SLC2A13: variants seen among roughly 807,000 people sequenced by gnomAD.
SLC2A13 encodes the protein proton myo-inositol cotransporter.
A neutral mutation model predicts 64.4 loss-of-function variants in SLC2A13; 32 were observed. That is an observed-to-expected ratio of 0.50 (90% CI 0.37 to 0.67). SLC2A13 has a LOEUF of 0.67. SLC2A13 is among the 30% of genes least tolerant of loss of function. The pLI is 0.00. For synonymous variants in SLC2A13, 338 were observed against 327.1 expected (o/e 1.03, Z -0.36); for missense variants, 743 against 829.2 (o/e 0.90, Z 1.28).
Position 39,833,147 on chromosome 12 carries a change from G to A in SLC2A13, c.1320-2919C>T, listed in dbSNP as rs1293412292. Among the ~76,000 whole-genome samples the A allele has an allele frequency of 2.6e-5, 4 of 152,122 alleles. No homozygotes were observed. The East Asian group carries it at 7.8e-4, about 29-fold the overall frequency. On this transcript the variant is annotated intron_variant, in intron 6 of 9. Coordinates refer to ENST00000280871, the MANE Select transcript of SLC2A13 (RefSeq NM_052885.4). ...GGCGTACCACTTACTCTGTAAAAAA[G>A]GTTTACAGAAACACAGCCATGTCCA...
Position 39,834,224 on chromosome 12 carries a change from T to C in SLC2A13, c.1320-3996A>G, listed in dbSNP as rs373207781. Among the ~76,000 whole-genome samples the C allele has an allele frequency of 3.3e-5, 5 of 152,154 alleles. No homozygotes were observed. In the East Asian group the frequency reaches 9.6e-4, roughly 29 times the overall value. ...GTTACAGTAATGCCCATTATGACTCTTGAGATAGGTCAAAAAAAGATATTA... is the reference window on the plus strand; with the variant it reads ...GTTACAGTAATGCCCATTATGACTCCTGAGATAGGTCAAAAAAAGATATTA... On this transcript the variant is annotated intron_variant, in intron 6 of 9. Coordinates refer to ENST00000280871, the MANE Select transcript of SLC2A13 (RefSeq NM_052885.4).
At chr12:39,837,668 A>C (rs1241651594) in intron 6 of SLC2A13, among the ~76,000 whole-genome samples, 1 of 151,830 alleles carries the variant, frequency 6.6e-6, no homozygotes, top group Non-Finnish European at 1.5e-5. Flanking sequence ...ACCCCATCAA[A>C]AAGTGGGCGA....
intron 6 of SLC2A13, among the ~76,000 whole-genome samples, chr12:39,841,583 G>C (rs891207111): frequency 3.9e-5 from 6 of 151,904 alleles, no homozygotes; most frequent in African/African-American, 1.2e-4. Context: ...TGTGTATATA[G>C]GTAAATAAAT....
chr12:39,969,749 T>C (rs545072421), intron 3 of SLC2A13, among the ~76,000 whole-genome samples: 1 of 152,324 alleles, frequency 6.6e-6, no homozygotes, highest in Non-Finnish European at 1.5e-5. Flanking sequence ...ATTCTGTAGG[T>C]TGCTGTTCAC....
intron 7 of SLC2A13, among the ~76,000 whole-genome samples, chr12:39,772,618 GAAGA>G (rs1449815251): frequency 6.6e-6 from 1 of 151,990 alleles, no homozygotes; most frequent in African/African-American, 2.4e-5. Flanking sequence ...AAAAAGAGAA[GAAGA>G]AAGAAAAAAG....
chr12:40,097,249 C>A (rs1274290939), intron 1 of SLC2A13, among the ~76,000 whole-genome samples: 1 of 152,028 alleles, frequency 6.6e-6, no homozygotes, highest in Non-Finnish European at 1.5e-5. Context: ...TTCTAGGGAA[C>A]AAAATGACAT....
intron 2 of SLC2A13, among the ~76,000 whole-genome samples, chr12:40,032,640 G>A (rs1947922572): frequency 6.6e-6 from 1 of 152,162 alleles, no homozygotes; most frequent in Non-Finnish European, 1.5e-5. Context: ...TCCTGCTATG[G>A]CTCAGCTGAG....
chr12:40,019,227 A>G (rs2136204413), intron 3 of SLC2A13, among the ~76,000 whole-genome samples: 1 of 152,354 alleles, frequency 6.6e-6, no homozygotes, highest in Non-Finnish European at 1.5e-5. Context: ...CTATTTTGCC[A>G]ACTGATTTTG....
At position 39,828,512 on chromosome 12, in the gene SLC2A13, C is replaced by T. The variant is rs1290777906; in HGVS notation, c.1445+1591G>A. Among the ~76,000 whole-genome samples the T allele has an allele frequency of 2.0e-5, 3 of 152,118 alleles. No homozygotes were observed. The East Asian group carries it at 5.8e-4, about 29-fold the overall frequency. ...TATGATTTGTTATTTGCAAAAAAGC[C>T]AAAACTCCTGCTTTGAGGCCTCTGA... is the stretch of plus-strand genomic sequence containing the variant. On this transcript the variant is annotated intron_variant, in intron 7 of 9. Transcript: ENST00000280871.
intron 7 of SLC2A13, among the ~76,000 whole-genome samples, chr12:39,783,664 T>C (rs528032447): frequency 9.2e-5 from 14 of 152,346 alleles, no homozygotes; most frequent in African/African-American, 3.4e-4. Context: ...TGCATAAATG[T>C]CTTCTTTTGA....
intron 4 of SLC2A13, among the ~76,000 whole-genome samples, chr12:39,895,482 T>C (rs1404665015): frequency 2.4e-5 from 2 of 83,992 alleles, no homozygotes; most frequent in East Asian, 3.3e-4. Context: ...AGAGCGAGAC[T>C]CTGTCTCAAA....
chr12:40,086,055 T>C (rs1938578492), intron 1 of SLC2A13, among the ~76,000 whole-genome samples: 1 of 152,154 alleles, frequency 6.6e-6, no homozygotes, highest in African/African-American at 2.4e-5. Context: ...GTCAGGCTGG[T>C]CTTGAACTCC....
intron 1 of SLC2A13, among the ~76,000 whole-genome samples, chr12:40,066,632 A>G (rs561701269): frequency 6.6e-6 from 1 of 152,336 alleles, no homozygotes; most frequent in Non-Finnish European, 1.5e-5. Context: ...GCTGGAGACA[A>G]AAAAGTACAG....
chr12:39,856,325 C>T (rs1259004818), intron 6 of SLC2A13, among the ~76,000 whole-genome samples: 1 of 152,146 alleles, frequency 6.6e-6, no homozygotes. Context: ...AAGTTACTTT[C>T]ACTGAAGAGG....
intron 6 of SLC2A13, chr12:39,830,455 G>C: frequency 8.1e-7 from 1 of 1,241,962 alleles, no homozygotes; most frequent in Non-Finnish European, 1.0e-6. Flanking sequence ...GTCACTTTGA[G>C]CTGAAGGAGG....
intron 3 of SLC2A13, among the ~76,000 whole-genome samples, chr12:40,007,961 C>T (rs1947454293): frequency 6.6e-6 from 1 of 152,076 alleles, no homozygotes; most frequent in African/African-American, 2.4e-5. Context: ...TACGGGAAAA[C>T]CCAGATTTAA....
chr12:40,007,721 T>C (rs1011020407), intron 3 of SLC2A13, among the ~76,000 whole-genome samples: 1 of 152,146 alleles, frequency 6.6e-6, no homozygotes, highest in Non-Finnish European at 1.5e-5. Context: ...TTTTTACAAC[T>C]ATAAAATGAT....
At chr12:39,965,970 T>C (rs934086956) in intron 3 of SLC2A13, among the ~76,000 whole-genome samples, 7 of 152,068 alleles carry the variant, frequency 4.6e-5, no homozygotes, top group Non-Finnish European at 7.4e-5. Flanking sequence ...ATGAGAAATC[T>C]GCTAGCATAA....
intron 4 of SLC2A13, among the ~76,000 whole-genome samples, chr12:39,943,520 C>A (rs1448944336): frequency 6.6e-6 from 1 of 152,134 alleles, no homozygotes; most frequent in Non-Finnish European, 1.5e-5. Flanking sequence ...GGGATCTGCC[C>A]AGTTGGAACT....
Sources: allele counts gnomAD v4.1 joint callset (sites outside exome capture counted in the v4.1 genomes callset), GRCh38; gene constraint gnomAD v4.1.1; transcripts MANE v1.5; gene names NCBI Gene and HGNC (gene_info 2026-07-23, HGNC 2026-07-21).